PRKCA: variants seen among roughly 807,000 people sequenced by gnomAD.
PRKCA encodes the protein protein kinase C alpha.
Under a neutral mutation model 87.0 loss-of-function variants are expected in PRKCA, and 27 were observed. The ratio of observed to expected loss-of-function variants is 0.31; its 90% CI spans 0.23 to 0.43. The LOEUF is 0.43. PRKCA is among the 20% of genes least tolerant of loss of function. The probability of loss-of-function intolerance (pLI) is 1.00; values close to 1 mark genes in which losing one functional copy is unlikely to be tolerated. For missense variants in PRKCA, 518 were observed against 852.3 expected (o/e 0.61, Z 4.88); for synonymous variants, 329 against 311.1 (o/e 1.06, Z -0.61).
intron 2 of PRKCA, among the ~76,000 whole-genome samples, chr17:66,487,302 G>A (rs1302206830): frequency 6.6e-6 from 1 of 152,118 alleles, no homozygotes; most frequent in African/African-American, 2.4e-5. Flanking sequence ...CTTATGTCAT[G>A]TCACATAATG....
intron 3 of PRKCA, among the ~76,000 whole-genome samples, chr17:66,572,750 G>A (rs1567906712): frequency 6.6e-6 from 1 of 152,080 alleles, no homozygotes; most frequent in Non-Finnish European, 1.5e-5. Flanking sequence ...TCCTGCCTTG[G>A]CCTCCTAAAG....
chr17:66,315,611 C>G (rs1905277129), intron 2 of PRKCA, among the ~76,000 whole-genome samples: 1 of 151,912 alleles, frequency 6.6e-6, no homozygotes, highest in South Asian at 2.1e-4. Context: ...TCCCGAGTAG[C>G]TGGGATTACA....
intron 8 of PRKCA, among the ~76,000 whole-genome samples, chr17:66,694,447 C>T (rs1972865662): frequency 7.5e-6 from 1 of 134,050 alleles, no homozygotes; most frequent in African/African-American, 2.9e-5. Context: ...TGCCACTGCA[C>T]TCCAGCTTGG....
At chr17:66,571,769 T>C (rs1044802969) in intron 3 of PRKCA, among the ~76,000 whole-genome samples, 2 of 152,152 alleles carry the variant, frequency 1.3e-5, no homozygotes, top group Non-Finnish European at 2.9e-5. Flanking sequence ...GTAGAGCAGA[T>C]AAAAGACCAC....
At chr17:66,340,378 T>TCC (rs560155340) in intron 2 of PRKCA, among the ~76,000 whole-genome samples, 9,096 of 132,328 alleles carry the variant, frequency 0.069, 410 homozygotes, top group African/African-American at 0.14. Context: ...TTTTTTTTTT[T>TCC]TCTTTTTTTT....
chr17:66,355,091 A>G (rs1451816310), intron 2 of PRKCA, among the ~76,000 whole-genome samples: 4 of 152,246 alleles, frequency 2.6e-5, no homozygotes, highest in African/African-American at 9.6e-5. Flanking sequence ...TGAATTTCAC[A>G]ATAAGCACAT....
chr17:66,603,889 A>G (rs868855220), intron 3 of PRKCA, among the ~76,000 whole-genome samples: 4 of 152,166 alleles, frequency 2.6e-5, no homozygotes, highest in African/African-American at 9.7e-5. Context: ...CTGGCTTATT[A>G]TTTCACTTAG....
chr17:66,620,582 A>T (rs952268050), intron 3 of PRKCA, among the ~76,000 whole-genome samples: 7 of 152,222 alleles, frequency 4.6e-5, no homozygotes, highest in Admixed American at 2.0e-4. Flanking sequence ...AAATCTATTC[A>T]TAAGGGGAAA....
chr17:66,698,609 T>A (rs1972986199), intron 8 of PRKCA, among the ~76,000 whole-genome samples: 2 of 151,736 alleles, frequency 1.3e-5, no homozygotes, highest in South Asian at 4.2e-4. Flanking sequence ...TGGGACAACA[T>A]TAAAAGGGCT....
chr17:66,693,842 G>A (rs1326654176), intron 8 of PRKCA, among the ~76,000 whole-genome samples: 3 of 152,246 alleles, frequency 2.0e-5, no homozygotes, highest in East Asian at 1.9e-4. Flanking sequence ...CCAATAACAC[G>A]TTACTTACAA....
At chr17:66,394,751 C>G (rs1598636783) in intron 2 of PRKCA, among the ~76,000 whole-genome samples, 1 of 152,276 alleles carries the variant, frequency 6.6e-6, no homozygotes, top group East Asian at 1.9e-4. Context: ...CCATGCTGTT[C>G]TTGTGATAGT....
intron 3 of PRKCA, among the ~76,000 whole-genome samples, chr17:66,579,180 G>C (rs1381207493): frequency 6.6e-6 from 1 of 152,222 alleles, no homozygotes; most frequent in African/African-American, 2.4e-5. Context: ...AGACAGAGTA[G>C]TAGGGAAGAC....
intron 8 of PRKCA, among the ~76,000 whole-genome samples, chr17:66,693,783 C>G (rs1379363142): frequency 6.6e-6 from 1 of 152,192 alleles, no homozygotes; most frequent in African/African-American, 2.4e-5. Flanking sequence ...TCTGCCGTTG[C>G]AGCTCAAAAG....
chr17:66,459,829 T>C (rs1461687649), intron 2 of PRKCA, among the ~76,000 whole-genome samples: 1 of 152,158 alleles, frequency 6.6e-6, no homozygotes, highest in African/African-American at 2.4e-5. Flanking sequence ...TTTACTTTTA[T>C]TTTTATTTTT....
At chr17:66,716,753 T>C (rs1051020790) in intron 8 of PRKCA, among the ~76,000 whole-genome samples, 36 of 152,196 alleles carry the variant, frequency 2.4e-4, no homozygotes, top group African/African-American at 8.2e-4. Flanking sequence ...ACCAAGCACT[T>C]CGCAGTTTCC....
rs866220538 is a variant in PRKCA, at chr17:66,803,532, G to C, written c.1855-341G>C. Among the ~76,000 whole-genome samples, 3 of 152,186 alleles carry C rather than the reference G, an allele frequency of 2.0e-5. No homozygotes were observed. The highest frequency in any genetic ancestry group is 4.4e-5 in the Non-Finnish European group (3 of 68,028). On this transcript the variant is annotated intron_variant, in intron 16 of 16. Transcript: ENST00000413366. This position sits in a 1 kb window ranked among gnomAD's most constrained non-coding sequence, Gnocchi z 4.4. Reference sequence around the variant, plus strand: ...CTTTCAACACGGAGCTGTGACTGACGGCCCTGCGTGCGTGGCTTCCGTGCT... The same window carrying C: ...CTTTCAACACGGAGCTGTGACTGACCGCCCTGCGTGCGTGGCTTCCGTGCT...
chr17:66,675,708 C>T (rs530853332), intron 5 of PRKCA, among the ~76,000 whole-genome samples: 9 of 152,124 alleles, frequency 5.9e-5, no homozygotes, highest in Admixed American at 6.5e-5. Flanking sequence ...AATCTGTATG[C>T]GTCAGGAGTG....
intron 5 of PRKCA, among the ~76,000 whole-genome samples, chr17:66,649,901 A>G (rs1307270554): frequency 6.6e-6 from 1 of 152,190 alleles, no homozygotes; most frequent in Non-Finnish European, 1.5e-5. Flanking sequence ...CCTGTGGAGA[A>G]GCAGCCGACT....
chr17:66,702,155 C>T (rs566903665), intron 8 of PRKCA, among the ~76,000 whole-genome samples: 31 of 152,098 alleles, frequency 2.0e-4, no homozygotes, highest in Admixed American at 1.6e-3. Flanking sequence ...TATATACACA[C>T]ACACATATAT....
Sources: allele counts gnomAD v4.1 joint callset (sites outside exome capture counted in the v4.1 genomes callset), GRCh38; gene constraint gnomAD v4.1.1; non-coding constraint Gnocchi (gnomAD v3.1); transcripts MANE v1.5; gene names NCBI Gene and HGNC (gene_info 2026-07-23, HGNC 2026-07-21).